Variants in MED24 observed in about 807,000 individuals in gnomAD.
The protein encoded by MED24 is mediator of RNA polymerase II transcription subunit 24.
In MED24, 74 loss-of-function variants were observed where a neutral mutation model predicts 118.8. The observed-to-expected ratio is 0.62, with a 90% confidence interval of 0.52 to 0.76. The LOEUF is 0.76. MED24 is among the 30% of genes least tolerant of loss of function. MED24 has a pLI of 0.00. For missense variants in MED24, 1,041 were observed against 1,278.9 expected (o/e 0.81, Z 2.84); for synonymous variants, 521 against 523.9 (o/e 0.99, Z 0.08).
At chr17:40,029,638 A>G (rs564050231) in intron 13 of MED24, 110 bp downstream of exon 13, 1 of 1,023,854 alleles carries the variant, frequency 9.8e-7, no homozygotes, top group African/African-American at 1.6e-5. Flanking sequence ...ACTATGTATA[A>G]AAGCTAAAGG....
At chr17:40,038,709 C>CAAAA (rs547061911) in intron 3 of MED24, among the ~76,000 whole-genome samples, 2 of 84,346 alleles carry the variant, frequency 2.4e-5, no homozygotes, top group African/African-American at 4.4e-5. Flanking sequence ...GACTCCATCT[C>CAAAA]AAAAAAAAAA....
chr17:40,032,241 A>G, intron 9 of MED24, 151 bp from the exon 10 acceptor site: 1 of 889,912 alleles, frequency 1.1e-6, no homozygotes, highest in Non-Finnish European at 1.7e-6. Context: ...CTAAATGAGA[A>G]AGCCAATAGG....
In MED24 at chr17:40,035,772, C is replaced by T; in HGVS notation, c.276G>A (p.Leu92=). ...ISKFDDFSRD[L]CVQALLDIMD... is the part of the protein sequence containing the mutation. ...TGATGTCCAGCAATGCCTGGACACA[C>T]AGGTCCCGAGAAAAGTCATCAAACT... Residue 92 remains leucine (L), a synonymous_variant, in exon 5 of 26, where the codon CTG becomes CTA. Coordinates refer to ENST00000394128, the MANE Select transcript of MED24 (RefSeq NM_014815.4). 1.2e-6 allele frequency: 2 copies of T among 1,614,086 alleles called. No homozygotes were observed.
rs1003117431 is a variant in MED24 at position 40,019,413 on chromosome 17, C to G, written c.*116G>C. The G allele has an allele frequency of 7.2e-5, 60 of 836,898 alleles. No homozygotes were observed. In the African/African-American group the frequency reaches 1.0e-3, roughly 14 times the overall value. 51.8% of individuals were successfully genotyped at this position (836,898 alleles called of 1,614,324 possible). A position where few individuals can be genotyped will look rare whatever the true frequency, so the allele number is the denominator to read the frequency against. On this transcript the variant is annotated 3_prime_UTR_variant, in exon 26 of 26. Coordinates refer to ENST00000394128, the MANE Select transcript of MED24 (RefSeq NM_014815.4). The stretch of plus-strand genomic sequence containing the variant: ...GGGGAACTGGAAGCCGCTAGAGGCT[C>G]TTGCACCATGTGGAGCGGATGTGAG...
chr17:40,022,516 T>G, intron 21 of MED24, 32 bp from the exon 22 acceptor site: 1 of 1,595,610 alleles, frequency 6.3e-7, no homozygotes, highest in South Asian at 1.1e-5. Flanking sequence ...AGGGGGACAG[T>G]GAGAGGTGCC....
chr17:40,031,275 GGGCAC>G, intron 11 of MED24, 30 bp from the exon 12 acceptor site: 7 of 1,545,606 alleles, frequency 4.5e-6, no homozygotes, highest in Non-Finnish European at 6.1e-6. Flanking sequence ...TGAGGGAACT[GGGCAC>G]CTGGATAGGA....
chr17:40,036,135 AC>A lies in MED24; in HGVS notation c.232del (p.Val78SerfsTer31), dbSNP rs745649349. 6.5e-5 allele frequency: 104 copies of A among 1,612,326 alleles called. No individual in the cohort carries two copies. The highest frequency in any genetic ancestry group is 8.4e-5 in the Non-Finnish European group (99 of 1,178,456). On this transcript the variant is annotated frameshift_variant, in exon 4 of 26. Transcript: ENST00000394128. LOFTEE classifies it high-confidence loss of function. ...TCATACCTTACTGATGGCTGTGAGG[AC>A]AGAAGAGTAGGACACCATCTGGAGA... ...ISSQMVSYSSVLTAISKFDDF... is the reference protein window; with the variant it reads ...ISSQMVSYSSXLTAISKFDDF...
intron 12 of MED24, among the ~76,000 whole-genome samples, chr17:40,030,185 G>T (rs192623943): frequency 6.6e-6 from 1 of 152,166 alleles, no homozygotes; most frequent in East Asian, 1.9e-4. Context: ...GTAGAGACGG[G>T]GTTTCACCAT....
intron 3 of MED24, among the ~76,000 whole-genome samples, chr17:40,039,727 T>TCCCA (rs1265173640): frequency 2.7e-5 from 4 of 150,744 alleles, no homozygotes; most frequent in African/African-American, 7.3e-5. Flanking sequence ...CAAGCAATCC[T>TCCCA]CCCACCTCAG....
At chr17:40,048,323 T>C (rs887751994) in intron 3 of MED24, among the ~76,000 whole-genome samples, 3 of 152,324 alleles carry the variant, frequency 2.0e-5, no homozygotes, top group East Asian at 3.9e-4. Context: ...TTTAAAATAC[T>C]ACTAAGATAC....
Position 40,053,470 on chromosome 17 carries a change from T to A in MED24, c.129A>T (p.Ala43=), listed in dbSNP as rs769786626. 1 of 1,614,190 alleles carries A rather than the reference T, an allele frequency of 6.2e-7. No homozygotes were observed. The highest frequency in any genetic ancestry group is 8.5e-7 in the Non-Finnish European group (1 of 1,180,030). ...KGATWDILNL[A]DALLEQAMIG... is the part of the protein sequence containing the mutation. ...TTTCTTTCCCAGTTCACTTGAGACC[T>A]GCCAGGTTGAGAATATCCCAGGTGG... Residue 43 remains alanine, a splice_region_variant and synonymous_variant, in exon 2 of 26, where the codon GCA becomes GCT. Transcript: ENST00000394128.
At chr17:40,038,685 T>G (rs1984224961) in intron 3 of MED24, among the ~76,000 whole-genome samples, 1 of 144,566 alleles carries the variant, frequency 6.9e-6, no homozygotes, top group Admixed American at 7.2e-5. Flanking sequence ...CACTCCAGCC[T>G]GATGACAGAG....
rs1388864328 is a variant in MED24 at position 40,047,525 on chromosome 17, G to A, written c.213+5773C>T. Among the ~76,000 whole-genome samples, 5 of 152,048 alleles carry A rather than the reference G, an allele frequency of 3.3e-5. No individual in the cohort carries two copies. The South Asian group carries it at 1.0e-3, about 32-fold the overall frequency. Reference sequence around the variant, plus strand: ...AAATACAAAAAAACTGGCCAGGCGTGGTGGAGGACACCTGTAATCCCAGCT... The same window carrying A: ...AAATACAAAAAAACTGGCCAGGCGTAGTGGAGGACACCTGTAATCCCAGCT... On this transcript the variant is annotated intron_variant, in intron 3 of 25. Coordinates refer to ENST00000394128, the MANE Select transcript of MED24 (RefSeq NM_014815.4).
rs56369434 is a variant in MED24 at position 40,019,205 on chromosome 17, T to C, written c.*324A>G. The C allele has an allele frequency of 8.1e-3, 1,782 of 221,348 alleles. 12 individuals are homozygous for C. The highest frequency in any genetic ancestry group is 0.014 in the Admixed American group (166 of 11,828). 13.7% of individuals were successfully genotyped at this position (221,348 alleles called of 1,614,324 possible). On this transcript the variant is annotated 3_prime_UTR_variant, in exon 26 of 26. Transcript: ENST00000394128. Reference sequence around the variant, plus strand: ...ACACACACACACACACACACACACATACACACTTTGCATCTAGAAAGTTCC... The same window carrying C: ...ACACACACACACACACACACACACACACACACTTTGCATCTAGAAAGTTCC...
In MED24 at chr17:40,019,573, G is replaced by A. The variant is rs374093473; in HGVS notation, c.2926C>T (p.Pro976Ser). The change falls in exon 26 of 26, where the codon CCC (proline) becomes TCC (serine). Residue 976 changes from proline (P) to serine (S), a missense_variant. Coordinates refer to ENST00000394128, the MANE Select transcript of MED24 (RefSeq NM_014815.4). ...TTAGCAGCCACCTGGCGGCCCAGGGGCAGGCTGAGGTCCGTGATGGCCAGA... is the reference window on the plus strand; with the variant it reads ...TTAGCAGCCACCTGGCGGCCCAGGGACAGGCTGAGGTCCGTGATGGCCAGA... ...VVLAITDLSL[P>S]LGRQVAAKAI... 6.2e-7 allele frequency: 1 copy of A among 1,612,472 alleles called. No individual in the cohort carries two copies. The highest frequency in any genetic ancestry group is 8.5e-7 in the Non-Finnish European group (1 of 1,179,440).
intron 3 of MED24, among the ~76,000 whole-genome samples, chr17:40,040,289 G>A (rs1373326028): frequency 6.6e-6 from 1 of 151,996 alleles, no homozygotes; most frequent in Non-Finnish European, 1.5e-5. Context: ...CTGTTGGCCA[G>A]GCTGGTCTCG....
rs763809355 is a variant in MED24 at position 40,035,153 on chromosome 17, G to A, written c.523C>T (p.Arg175Trp). 4.3e-6 allele frequency: 7 copies of A among 1,614,020 alleles called. No homozygotes were observed. Among genetic ancestry groups the A allele is most frequent in the East Asian group, 4.5e-5 (2 of 44,886 alleles). Residue 175 changes from arginine (R) to tryptophan (W), a missense_variant, in exon 6 of 26, where the codon CGG (arginine) becomes TGG (tryptophan). Physicochemically the swap from Arg to Trp is moderately radical, Grantham distance 101. Around this residue, in one of 3 missense-constraint regions of MED24, gnomAD observed 434 missense variants for 514.9 expected, o/e 0.84. Transcript: ENST00000394128. ...AGTTTGGCGATGTGCAGCAGGGCCC[G>A]GTTCTTGGTGCTGCTGAGGGTTTTC... is the stretch of plus-strand genomic sequence containing the variant. Reference protein sequence around the residue: ...LEKTLSSTKNRALLHIAKLEE... With the variant: ...LEKTLSSTKNWALLHIAKLEE...
chr17:40,020,071 A>G (rs1981770729), intron 24 of MED24, 138 bp from the exon 25 acceptor site: 2 of 1,194,454 alleles, frequency 1.7e-6, no homozygotes, highest in Non-Finnish European at 2.4e-6. Flanking sequence ...CAGAGAGAGA[A>G]AATATAAAAG....
intron 15 of MED24, 115 bp from the exon 16 acceptor site, chr17:40,027,580 A>C (rs1982837498): frequency 1.0e-6 from 1 of 967,280 alleles, no homozygotes; most frequent in Admixed American, 2.5e-5. Context: ...TGGCTCCTTC[A>C]AAGCTCTGAG....
Sources: allele counts gnomAD v4.1 joint callset (sites outside exome capture counted in the v4.1 genomes callset), GRCh38; gene constraint gnomAD v4.1.1; regional missense constraint gnomAD v4.1.1; transcripts MANE v1.5; gene names NCBI Gene and HGNC (gene_info 2026-07-23, HGNC 2026-07-21).